The following VIRMA variants were observed in gnomAD, a reference collection of about 807,000 sequenced individuals.
The protein encoded by VIRMA is vir like m6A methyltransferase associated, also known as protein virilizer homolog.
A neutral mutation model predicts 182.4 loss-of-function variants in VIRMA; 65 were observed. That is an observed-to-expected ratio of 0.36 (90% CI 0.29 to 0.44). The LOEUF (loss-of-function observed/expected upper bound fraction) is 0.44. Among genes scored for constraint, VIRMA ranks in the 20% least tolerant of loss-of-function variants. VIRMA has a pLI of 1.00. For synonymous variants in VIRMA, 709 were observed against 743.1 expected (o/e 0.95, Z 0.75); for missense variants, 1,752 against 2,158.1 (o/e 0.81, Z 3.73).
intron 10 of VIRMA, among the ~76,000 whole-genome samples, chr8:94,516,421 C>G (rs1586085004): frequency 1.3e-5 from 2 of 152,102 alleles, no homozygotes; most frequent in East Asian, 3.8e-4. Context: ...ACTCAAAACT[C>G]TCCCAGAAGC....
At chr8:94,495,579 A>T in intron 19 of VIRMA, 152 bp downstream of exon 19, 1 of 448,898 alleles carries the variant, frequency 2.2e-6, no homozygotes, top group Non-Finnish European at 3.8e-6. Flanking sequence ...AAAAAAACTA[A>T]AGAAGAATAC....
In VIRMA at chr8:94,522,168, C is replaced by T. The variant is rs1159146060; in HGVS notation, c.2022-2692G>A. ...GCCAATTAGCTTGATATAATTATTC[C>T]ACAATGTATACATGTATCAAAACAT... On this transcript the variant is annotated intron_variant, in intron 8 of 23. Transcript: ENST00000297591. Among the ~76,000 whole-genome samples, 9 of 152,104 alleles carry T rather than the reference C, an allele frequency of 5.9e-5. No homozygotes were observed. In the East Asian group the frequency reaches 1.5e-3, roughly 26 times the overall value.
In VIRMA at chr8:94,495,728, T is replaced by C. The variant is rs758718932; in HGVS notation, c.4544+3A>G. The C allele has an allele frequency of 1.4e-5, 22 of 1,611,666 alleles. No individual in the cohort carries two copies. The highest frequency in any genetic ancestry group is 1.8e-5 in the Non-Finnish European group (21 of 1,178,850). On this transcript the variant is annotated splice_donor_region_variant and intron_variant, in intron 19 of 23. Transcript: ENST00000297591. ...TTCAATCATAAAACATTGTGTATTT[T>C]ACCTATTGTTAAACAGATTCTGAAG...
At chr8:94,519,540 C>A in intron 8 of VIRMA, 64 bp from the exon 9 acceptor site, 1 of 1,481,686 alleles carries the variant, frequency 6.7e-7, no homozygotes, top group South Asian at 1.4e-5. Context: ...ACTCAATATT[C>A]AGACAAGACA....
chr8:94,528,379 T>G (rs1020839600), intron 7 of VIRMA, among the ~76,000 whole-genome samples: 1 of 152,052 alleles, frequency 6.6e-6, no homozygotes, highest in African/African-American at 2.4e-5. Flanking sequence ...AATCTAGCTA[T>G]TTGATATTTT....
rs1206166267 is a variant in VIRMA, at chr8:94,488,638, T to A, written c.*68A>T. 3 of 1,499,168 alleles carry A rather than the reference T, an allele frequency of 2.0e-6. No individual in the cohort carries two copies. The highest frequency in any genetic ancestry group is 2.7e-6 in the Non-Finnish European group (3 of 1,094,486). 92.9% of individuals were successfully genotyped at this position (1,499,168 alleles called of 1,614,324 possible). A position where few individuals can be genotyped will look rare whatever the true frequency, so the allele number is the denominator to read the frequency against. ...ATAACTGCTAAGTCTAAATTGGTCC[T>A]TCAATGTCTTATTTTTATTGTCCTC... On this transcript the variant is annotated 3_prime_UTR_variant, in exon 24 of 24. Transcript: ENST00000297591.
At chr8:94,540,528 G>A (rs995700701) in intron 2 of VIRMA, among the ~76,000 whole-genome samples, 4 of 144,544 alleles carry the variant, frequency 2.8e-5, no homozygotes, top group Admixed American at 7.2e-5. Context: ...GCAGTGGTAC[G>A]ATCTCAGCTC....
chr8:94,514,019 T>C (rs1347553138), intron 11 of VIRMA, among the ~76,000 whole-genome samples: 2 of 152,080 alleles, frequency 1.3e-5, no homozygotes, highest in Non-Finnish European at 1.5e-5. Context: ...AATTAAACAA[T>C]ATACAAAAAT....
intron 2 of VIRMA, among the ~76,000 whole-genome samples, chr8:94,542,002 G>A (rs1251290251): frequency 3.9e-5 from 6 of 152,136 alleles, no homozygotes; most frequent in East Asian, 1.9e-4. Context: ...TTAAGATAAC[G>A]GAAAATGCAA....
chr8:94,525,243 T>C (rs1814918658), intron 8 of VIRMA, among the ~76,000 whole-genome samples: 1 of 152,226 alleles, frequency 6.6e-6, no homozygotes, highest in South Asian at 2.1e-4. Flanking sequence ...CCAGCCTGAA[T>C]GTTTTAGGAG....
At chr8:94,522,989 T>C (rs989378572) in intron 8 of VIRMA, among the ~76,000 whole-genome samples, 2 of 152,124 alleles carry the variant, frequency 1.3e-5, no homozygotes, top group South Asian at 4.2e-4. Flanking sequence ...CTCCTCCATA[T>C]GGTGGGAAAA....
intron 8 of VIRMA, among the ~76,000 whole-genome samples, chr8:94,520,185 C>CAAAAA (rs757063695): frequency 9.6e-5 from 8 of 82,952 alleles, no homozygotes; most frequent in South Asian, 4.4e-4. Context: ...GACCCTGCAT[C>CAAAAA]AAAAAAAAAA....
intron 20 of VIRMA, among the ~76,000 whole-genome samples, chr8:94,493,741 T>C (rs1053963751): frequency 1.3e-5 from 2 of 152,182 alleles, no homozygotes; most frequent in Admixed American, 6.5e-5. Context: ...TAAATACAAA[T>C]GTGAAGCAAA....
chr8:94,544,804 T>C (rs968937177), intron 1 of VIRMA, among the ~76,000 whole-genome samples: 14 of 152,136 alleles, frequency 9.2e-5, no homozygotes, highest in African/African-American at 2.9e-4. Flanking sequence ...TTCTGAATTA[T>C]AGATAAGAAA....
chr8:94,505,319 C>G lies in VIRMA; in HGVS notation c.4097+1181G>C, dbSNP rs1050835337. Among the ~76,000 whole-genome samples the G allele has an allele frequency of 3.9e-5, 6 of 152,184 alleles. No individual in the cohort carries two copies. The South Asian group carries it at 1.0e-3, about 26-fold the overall frequency. On this transcript the variant is annotated intron_variant, in intron 16 of 23. Transcript: ENST00000297591. ...GCAAAAGTATGTTTCCTCCTCCTTA[C>G]TATCTCATAATCCCATGTAGTTTAA...
At chr8:94,502,461 T>C (rs1359241576) in intron 16 of VIRMA, among the ~76,000 whole-genome samples, 1 of 151,440 alleles carries the variant, frequency 6.6e-6, no homozygotes, top group African/African-American at 2.4e-5. Flanking sequence ...ACTTTTAATA[T>C]TTAAATAAAT....
chr8:94,527,769 T>C (rs887139902), intron 7 of VIRMA, among the ~76,000 whole-genome samples: 2 of 152,162 alleles, frequency 1.3e-5, no homozygotes, highest in Non-Finnish European at 2.9e-5. Context: ...AAAAAACTGG[T>C]TGTTTTAAGT....
chr8:94,489,593 A>G (rs1813548124), intron 23 of VIRMA, among the ~76,000 whole-genome samples: 1 of 152,138 alleles, frequency 6.6e-6, no homozygotes, highest in Non-Finnish European at 1.5e-5. Flanking sequence ...CTTTATGAAG[A>G]TCCACTTCCA....
intron 5 of VIRMA, among the ~76,000 whole-genome samples, chr8:94,532,305 C>T (rs1456131774): frequency 6.6e-6 from 1 of 152,176 alleles, no homozygotes; most frequent in African/African-American, 2.4e-5. Context: ...TGAGGTTTCA[C>T]CATGTTGGCC....
Sources: allele counts gnomAD v4.1 joint callset (sites outside exome capture counted in the v4.1 genomes callset), GRCh38; gene constraint gnomAD v4.1.1; transcripts MANE v1.5; gene names NCBI Gene and HGNC (gene_info 2026-07-23, HGNC 2026-07-21).